ZNF44: variants seen among roughly 807,000 people sequenced by gnomAD.
ZNF44 encodes zinc finger protein 44.
In ZNF44, 9 loss-of-function variants were observed where a neutral mutation model predicts 11.7. That is an observed-to-expected ratio of 0.77 (90% CI 0.46 to 1.35). ZNF44 has a LOEUF of 1.35. Among genes scored for constraint, ZNF44 ranks in the 40% most tolerant of loss-of-function variants. The pLI, the probability that ZNF44 is intolerant of heterozygous loss-of-function variation, is 0.00. For synonymous variants in ZNF44, 224 were observed against 242.7 expected (o/e 0.92, Z 0.72); for missense variants, 696 against 743.1 (o/e 0.94, Z 0.74).
rs750786585 is a variant in ZNF44, at chr19:12,273,329, T to A, written c.926A>T (p.Tyr309Phe). ...HERIHTGEKP[Y>F]TCKQCGKAFC... is the part of the protein sequence containing the mutation. ...CGCTTTCCCACACTGTTTACATGTA[T>A]AGGGTTTCTCTCCAGTGTGAATTCT... The change falls in exon 4 of 4, where the codon TAT becomes TTT. Residue 309 changes from tyrosine (Y) to phenylalanine (F), a missense_variant. By Grantham distance (22) the Tyr-to-Phe change is conservative. Coordinates refer to ENST00000355684, the MANE Select transcript of ZNF44 (RefSeq NM_016264.4). 9.3e-6 allele frequency: 15 copies of A among 1,613,902 alleles called. 1 individual carries two copies. In the South Asian group the frequency reaches 1.6e-4, roughly 18 times the overall value.
chr19:12,246,820 G>A (rs1916777604), downstream of ZNF44, among the ~76,000 whole-genome samples: 1 of 150,488 alleles, frequency 6.6e-6, no homozygotes, highest in African/African-American at 2.4e-5. Flanking sequence ...GAGCCTAGAA[G>A]TCCGCGGCCA....
chr19:12,260,347 C>T, intron 5 of ZNF44: 1 of 1,039,758 alleles, frequency 9.6e-7, no homozygotes, highest in South Asian at 1.4e-5. Context: ...AAGCCTGCCA[C>T]CTCCTACGCG....
chr19:12,233,669 A>G (rs1303342705), intron 2 of ZNF44, among the ~76,000 whole-genome samples: 2 of 152,140 alleles, frequency 1.3e-5, no homozygotes, highest in Non-Finnish European at 2.9e-5. Context: ...ACCAAAGAAG[A>G]GCATGACTTA....
chr19:12,273,293 A>C lies in ZNF44; in HGVS notation c.962T>G (p.Leu321Arg). 1 of 1,613,676 alleles carries C rather than the reference A, an allele frequency of 6.2e-7. No individual in the cohort carries two copies. The highest frequency in any genetic ancestry group is 8.5e-7 in the Non-Finnish European group (1 of 1,179,898). ...TATCATGTGTCTTTGAAAGCTTCCA[A>C]GATGACAAAACGCTTTCCCACACTG... ...CKQCGKAFCH[L>R]GSFQRHMIMH... The change falls in exon 4 of 4, where the codon CTT becomes CGT. Residue 321 changes from leucine (L) to arginine (R), a missense_variant. Transcript: ENST00000355684.
intron 5 of ZNF44, among the ~76,000 whole-genome samples, chr19:12,256,794 T>C (rs952992884): frequency 2.8e-5 from 4 of 143,112 alleles, no homozygotes; most frequent in African/African-American, 1.0e-4. Context: ...AACCTCTGCC[T>C]CCCAGGTTCA....
In ZNF44 at chr19:12,272,206, T is replaced by A; in HGVS notation, c.*201A>T. ...TTTTTAGTAGAGACAGGGTTTCCCA[T>A]GTTAGCCAGGCTGGTCTCGATCTCC... On this transcript the variant is annotated 3_prime_UTR_variant, in exon 4 of 4. Transcript: ENST00000355684. 2 of 814,762 alleles carry A rather than the reference T, an allele frequency of 2.5e-6. No individual in the cohort carries two copies. The highest frequency in any genetic ancestry group is 3.3e-6 in the Non-Finnish European group (2 of 603,420). The allele number at this position is 814,762 out of a possible 1,614,324, so 50.5% of individuals were successfully genotyped here. A position where few individuals can be genotyped will look rare whatever the true frequency, so the allele number is the denominator to read the frequency against.
chr19:12,234,187 G>A lies in ZNF44; in HGVS notation n.380+480C>T, dbSNP rs556966687. Among the ~76,000 whole-genome samples the A allele has an allele frequency of 2.6e-5, 4 of 152,232 alleles. No homozygotes were observed. The East Asian group carries it at 7.7e-4, about 29-fold the overall frequency. On this transcript the variant is annotated intron_variant and non_coding_transcript_variant, in intron 2 of 3. Transcript: ENST00000597563. ...ATGTATGAATTGTTTGAAAGTAAATGCACTGATTACTCTGCAACAAGGCTC... is the reference window on the plus strand; with the variant it reads ...ATGTATGAATTGTTTGAAAGTAAATACACTGATTACTCTGCAACAAGGCTC...
chr19:12,265,706 C>T (rs540322512), intron 5 of ZNF44, among the ~76,000 whole-genome samples: 14 of 152,182 alleles, frequency 9.2e-5, no homozygotes, highest in Non-Finnish European at 2.1e-4. Flanking sequence ...AACTAACTTC[C>T]AAGCTGCTAT....
chr19:12,243,627 C>T (rs1043247038), downstream of ZNF44, among the ~76,000 whole-genome samples: 3 of 152,116 alleles, frequency 2.0e-5, no homozygotes, highest in Non-Finnish European at 2.9e-5. Flanking sequence ...TGAACATATG[C>T]GAGTGGCAGA....
At chr19:12,260,475 C>G (rs1291482794) in intron 5 of ZNF44, 27 of 1,335,158 alleles carry the variant, frequency 2.0e-5, no homozygotes, top group Non-Finnish European at 2.8e-5. Flanking sequence ...CAGCGCCATC[C>G]TGTGCAGCCA....
intron 1 of ZNF44, among the ~76,000 whole-genome samples, chr19:12,283,236 T>C (rs1050291699): frequency 1.3e-5 from 2 of 152,174 alleles, no homozygotes; most frequent in Admixed American, 6.5e-5. Flanking sequence ...ATAAAGTTTA[T>C]AGCCAGTTTC....
intron 5 of ZNF44, among the ~76,000 whole-genome samples, chr19:12,260,910 G>A (rs1599511476): frequency 6.6e-6 from 1 of 152,186 alleles, no homozygotes; most frequent in Admixed American, 6.5e-5. Flanking sequence ...CCCATGAGTG[G>A]TGGTCAATAT....
In ZNF44 at chr19:12,272,497, CTT is replaced by C; in HGVS notation, c.1756_1757del (p.Lys586AlafsTer3). 2 of 1,612,010 alleles carry C rather than the reference CTT, an allele frequency of 1.2e-6. No individual in the cohort carries two copies. The highest frequency in any genetic ancestry group is 2.2e-5 in the South Asian group (2 of 90,726). On this transcript the variant is annotated frameshift_variant, in exon 4 of 4. Transcript: ENST00000355684. LOFTEE classifies it low-confidence loss of function (END_TRUNC). ...TCCCACATTCCTTACATTCATAGGGCTTCTCTCCAGTGTGAGTTCTTTCATGT... is the reference window on the plus strand; with the variant it reads ...TCCCACATTCCTTACATTCATAGGGCCTCTCCAGTGTGAGTTCTTTCATGT... ...REHERTHTGE[K>X]PYECKECGKA...
chr19:12,231,296 G>C (rs1916154653), intron 2 of ZNF44, among the ~76,000 whole-genome samples: 2 of 152,106 alleles, frequency 1.3e-5, no homozygotes, highest in South Asian at 4.2e-4. Context: ...CTTTGCCTCA[G>C]CTCGTAGAGG....
At chr19:12,239,019 C>A (rs1169929582), upstream of ZNF44, among the ~76,000 whole-genome samples, 1 of 152,214 alleles carries the variant, frequency 6.6e-6, no homozygotes, top group Non-Finnish European at 1.5e-5. Flanking sequence ...GAAACTCTCA[C>A]CTGGAATCAG....
At chr19:12,269,168 C>G (rs988560389), downstream of ZNF44, among the ~76,000 whole-genome samples, 2 of 152,080 alleles carry the variant, frequency 1.3e-5, no homozygotes. Flanking sequence ...AGTGAGCGAC[C>G]ACTGCTGGAA....
Position 12,273,658 on chromosome 19 carries a change from A to C in ZNF44, c.597T>G (p.Cys199Trp). ...VVKGGDGPYK[C>W]ELCGKAFFWP... is the part of the protein sequence containing the mutation. ...AAAAAAAGGCTTTCCCACACAATTC[A>C]CATTTATAAGGTCCATCTCCACCTT... Residue 199 changes from cysteine (C) to tryptophan (W), a missense_variant, in exon 4 of 4, where the codon TGT (cysteine) becomes TGG (tryptophan). By Grantham distance (215) the Cys-to-Trp change is radical (BLOSUM62 -2). Coordinates refer to ENST00000355684, the MANE Select transcript of ZNF44 (RefSeq NM_016264.4). 6.2e-7 allele frequency: 1 copy of C among 1,614,220 alleles called. No homozygotes were observed. Among genetic ancestry groups the C allele is most frequent in the Non-Finnish European group, 8.5e-7 (1 of 1,180,036 alleles).
intron 1 of ZNF44, among the ~76,000 whole-genome samples, chr19:12,278,853 C>T (rs149692944): frequency 2.4e-4 from 37 of 152,208 alleles, no homozygotes; most frequent in East Asian, 1.7e-3. Context: ...GAAAGCCCCA[C>T]GCAGGCACAG....
chr19:12,287,445 AC>A (rs1454622671), intron 1 of ZNF44, among the ~76,000 whole-genome samples: 2 of 151,848 alleles, frequency 1.3e-5, no homozygotes, highest in Non-Finnish European at 2.9e-5. Context: ...TGATCTCCTG[AC>A]CTCGTGATCC....
Sources: gnomAD v4.1 joint callset for allele counts (sites outside exome capture counted in the v4.1 genomes callset) on GRCh38, gnomAD v4.1.1 for gene constraint, MANE v1.5 for transcripts, NCBI Gene and HGNC (gene_info 2026-07-23, HGNC 2026-07-21) for gene names.